RBM19: variants seen among roughly 807,000 people sequenced by gnomAD.
RBM19 encodes probable RNA-binding protein 19.
In RBM19, 94 loss-of-function variants were observed where a neutral mutation model predicts 116.8. The ratio of observed to expected loss-of-function variants is 0.80; its 90% confidence interval spans 0.68 to 0.95. The LOEUF (loss-of-function observed/expected upper bound fraction) is 0.95. Among genes scored for constraint, RBM19 ranks in the 40% least tolerant of loss-of-function variants. The pLI is 0.00. For missense variants in RBM19, 1,161 were observed against 1,220.7 expected, an observed-to-expected ratio of 0.95 and a Z score of 0.73; for synonymous variants, 475 against 494.1, an observed-to-expected ratio of 0.96 and a Z score of 0.51.
rs372546463 is a variant in RBM19, at chr12:113,882,724, A to T, written c.2559-23828T>A. Among the ~76,000 whole-genome samples the T allele has an allele frequency of 2.0e-5, 3 of 152,194 alleles. No homozygotes were observed. The East Asian group carries it at 5.8e-4, about 29-fold the overall frequency. On this transcript the variant is annotated intron_variant, in intron 21 of 23. Coordinates refer to ENST00000261741, the MANE Select transcript of RBM19 (RefSeq NM_016196.4). ...GGGTATCTTAACCCTCTGGACTCCC[A>T]TTAGCCCCTCCCCAGCCACCCAAAA...
downstream of RBM19, among the ~76,000 whole-genome samples, chr12:113,820,224 C>T (rs900477229): frequency 7.1e-6 from 1 of 140,508 alleles, no homozygotes; most frequent in African/African-American, 2.7e-5. Flanking sequence ...AATACAATAA[C>T]ACTAGTGATA....
intron 22 of RBM19, among the ~76,000 whole-genome samples, chr12:113,858,391 G>T (rs1241616741): frequency 6.6e-6 from 1 of 152,190 alleles, no homozygotes; most frequent in Admixed American, 6.5e-5. Flanking sequence ...TGCTTCTTGG[G>T]TGTCTCCTAC....
chr12:113,823,516 G>A (rs1874602991), intron 23 of RBM19, among the ~76,000 whole-genome samples, 195 bp from the exon 24 acceptor site: 1 of 152,124 alleles, frequency 6.6e-6, no homozygotes, highest in South Asian at 2.1e-4. Context: ...ACAGAGGGAG[G>A]TGGAGAGAGG....
At chr12:113,925,041 A>T (rs1868944050) in intron 17 of RBM19, among the ~76,000 whole-genome samples, 1 of 152,228 alleles carries the variant, frequency 6.6e-6, no homozygotes, top group Non-Finnish European at 1.5e-5. Context: ...GCTGGGCCTA[A>T]GTTCCGAAGC....
chr12:113,936,167 T>TA (rs1445119002), intron 16 of RBM19, among the ~76,000 whole-genome samples: 1 of 108,682 alleles, frequency 9.2e-6, no homozygotes, highest in African/African-American at 5.0e-5. Flanking sequence ...TTATTATTAT[T>TA]TTTTTTAACA....
rs1434633626 is a variant in RBM19, at chr12:113,903,378, A to G, written c.2558+11591T>C. Among the ~76,000 whole-genome samples the G allele has an allele frequency of 2.0e-5, 3 of 152,350 alleles. No individual in the cohort carries two copies. In the East Asian group the frequency reaches 5.8e-4, roughly 29 times the overall value. On this transcript the variant is annotated intron_variant, in intron 21 of 23. Transcript: ENST00000261741. The surrounding 1 kb of genome is among the most constrained non-coding windows in gnomAD (Gnocchi z 5.1). Reference sequence around the variant, plus strand: ...CCTATTTATGGCCGAATAACATTCCATTGTATGAATACACCCCATTTTGTT... The same window carrying G: ...CCTATTTATGGCCGAATAACATTCCGTTGTATGAATACACCCCATTTTGTT...
chr12:113,905,554 C>T (rs1318382046), intron 21 of RBM19, among the ~76,000 whole-genome samples: 1 of 151,890 alleles, frequency 6.6e-6, no homozygotes, highest in Non-Finnish European at 1.5e-5. Context: ...AGGCAAGGAT[C>T]TCTTAGCAGA....
chr12:113,955,796 GC>G (rs1871886644), intron 6 of RBM19, among the ~76,000 whole-genome samples: 1 of 152,228 alleles, frequency 6.6e-6, no homozygotes, highest in Admixed American at 6.5e-5. Context: ...GATTCACGCA[GC>G]GCAAGCAGTC....
At chr12:113,878,010 C>T (rs1290697064) in intron 21 of RBM19, among the ~76,000 whole-genome samples, 1 of 152,210 alleles carries the variant, frequency 6.6e-6, no homozygotes, top group Non-Finnish European at 1.5e-5. Context: ...TTTACTAGAA[C>T]ACGGCTACTC....
At chr12:113,828,977 T>TA (rs1198493607) in intron 23 of RBM19, among the ~76,000 whole-genome samples, 2 of 151,416 alleles carry the variant, frequency 1.3e-5, no homozygotes, top group African/African-American at 4.8e-5. Flanking sequence ...CCTTTATTGA[T>TA]ACAGGAGGCT....
At chr12:113,824,416 C>T (rs747367679) in intron 23 of RBM19, among the ~76,000 whole-genome samples, 1 of 152,182 alleles carries the variant, frequency 6.6e-6, no homozygotes, top group Non-Finnish European at 1.5e-5. Context: ...AGGTTGGAAT[C>T]CAGGCTGGCT....
intron 21 of RBM19, among the ~76,000 whole-genome samples, chr12:113,889,556 C>T (rs1381045207): frequency 6.6e-6 from 1 of 152,138 alleles, no homozygotes; most frequent in Non-Finnish European, 1.5e-5. Context: ...TTAAGACCAG[C>T]CCCACGGGTC....
At chr12:113,950,001 C>A in intron 9 of RBM19, 82 bp downstream of exon 9, 1 of 1,237,170 alleles carries the variant, frequency 8.1e-7, no homozygotes, top group Admixed American at 1.9e-5. Context: ...GGTGATGGTG[C>A]TGGTACAAGA....
intron 7 of RBM19, 109 bp from the exon 8 acceptor site, chr12:113,952,699 T>G: frequency 1.2e-6 from 1 of 867,858 alleles, no homozygotes; most frequent in South Asian, 1.6e-5. Context: ...AGTGTTTCAT[T>G]CTTTAGTTTT....
At position 113,966,214 on chromosome 12, in the gene RBM19, A is replaced by G. The variant is rs1041841557; in HGVS notation, c.14T>C (p.Ile5Thr). Residue 5 changes from isoleucine (I) to threonine (T), a missense_variant, in exon 1 of 24, where the codon ATC becomes ACC. Physicochemically the swap from Ile to Thr is moderately conservative, Grantham distance 89 (BLOSUM62 -1). Coordinates refer to ENST00000261741, the MANE Select transcript of RBM19 (RefSeq NM_016196.4). MSRL[I>T]VKNLPNGMKE... The stretch of plus-strand genomic sequence containing the variant: ...CACCCCATTCGGGAGATTCTTCACG[A>G]TCAGTCGCGACATGGCGCAGGGTCC... The G allele has an allele frequency of 5.6e-6, 9 of 1,614,134 alleles. No individual in the cohort carries two copies. The African/African-American group carries it at 8.0e-5, about 14-fold the overall frequency.
At chr12:113,893,053 ATGG>A (rs1881066601) in intron 21 of RBM19, among the ~76,000 whole-genome samples, 1 of 147,796 alleles carries the variant, frequency 6.8e-6, no homozygotes, top group Non-Finnish European at 1.5e-5. Context: ...AATAAGAGAG[ATGG>A]GGTCTTGCTC....
intron 23 of RBM19, among the ~76,000 whole-genome samples, chr12:113,831,270 C>T (rs1257610648): frequency 1.3e-5 from 2 of 152,230 alleles, no homozygotes; most frequent in East Asian, 3.8e-4. Flanking sequence ...TTTTCTCTCT[C>T]TCCTCTCTGT....
chr12:113,866,465 G>A (rs965067904), intron 21 of RBM19, among the ~76,000 whole-genome samples: 16 of 152,258 alleles, frequency 1.1e-4, no homozygotes, highest in Middle Eastern at 3.4e-3. Context: ...CAGGGCCTGC[G>A]TTTCAGATGG....
At chr12:113,915,332 G>A (rs998010512) in intron 20 of RBM19, among the ~76,000 whole-genome samples, 1 of 152,126 alleles carries the variant, frequency 6.6e-6, no homozygotes, top group Non-Finnish European at 1.5e-5. Flanking sequence ...GAGAGACTCC[G>A]GGGCCACCAG....
Sources: allele counts gnomAD v4.1 joint callset (sites outside exome capture counted in the v4.1 genomes callset), GRCh38; gene constraint gnomAD v4.1.1; non-coding constraint Gnocchi (gnomAD v3.1); transcripts MANE v1.5; gene names NCBI Gene and HGNC (gene_info 2026-07-23, HGNC 2026-07-21).